GSAP: variants seen among roughly 807,000 people sequenced by gnomAD.
GSAP encodes the protein gamma-secretase-activating protein.
Under a neutral mutation model 131.7 loss-of-function variants are expected in GSAP, and 118 were observed. That is an observed-to-expected ratio of 0.90 (90% CI 0.77 to 1.04). The LOEUF is 1.04. Among genes scored for constraint, GSAP ranks in the 50% least tolerant of loss-of-function variants. The pLI, the probability that GSAP is intolerant of heterozygous loss-of-function variation, is 0.00. For missense variants in GSAP, 1,019 were observed against 1,013.2 expected (o/e 1.01, Z -0.08); for synonymous variants, 381 against 363.4 (o/e 1.05, Z -0.55).
intron 26 of GSAP, chr7:77,314,963 C>A: frequency 1.3e-5 from 2 of 153,448 alleles, no homozygotes; most frequent in Admixed American, 6.5e-5. Flanking sequence ...TCTACTTGGA[C>A]TAAAGTATAG....
At chr7:77,404,745 T>C in intron 2 of GSAP, 130 bp from the exon 3 acceptor site, 2 of 640,610 alleles carry the variant, frequency 3.1e-6, no homozygotes, top group Non-Finnish European at 5.7e-6. Flanking sequence ...TCTGTGCCTG[T>C]CAGAGGGGGA....
chr7:77,380,841 AC>A (rs1292592189), intron 8 of GSAP, among the ~76,000 whole-genome samples: 2 of 152,256 alleles, frequency 1.3e-5, no homozygotes, highest in African/African-American at 4.8e-5. Flanking sequence ...GCATATACGT[AC>A]ATATGAAAAT....
chr7:77,389,323 G>A (rs569958942), intron 5 of GSAP, among the ~76,000 whole-genome samples: 1 of 142,396 alleles, frequency 7.0e-6, no homozygotes, highest in South Asian at 2.2e-4. Flanking sequence ...TGTTTGTTTT[G>A]TTTTGTTTTT....
chr7:77,328,930 T>C (rs1487982092), intron 21 of GSAP, among the ~76,000 whole-genome samples: 1 of 152,102 alleles, frequency 6.6e-6, no homozygotes, highest in Admixed American at 6.5e-5. Context: ...ATGGGGCCTA[T>C]ACTTTTAGTA....
Position 77,355,536 on chromosome 7 carries a change from A to G in GSAP, c.1120+19T>C, listed in dbSNP as rs1793552480. On this transcript the variant is annotated intron_variant, in intron 15 of 30. Coordinates refer to ENST00000257626, the MANE Select transcript of GSAP (RefSeq NM_017439.4). ...AACTCAAATGGGCCACCTCTACAAGAGAAAAACTATAGCCGTACCTGTCAG... is the reference window on the plus strand; with the variant it reads ...AACTCAAATGGGCCACCTCTACAAGGGAAAAACTATAGCCGTACCTGTCAG... The G allele has an allele frequency of 1.9e-6, 3 of 1,580,796 alleles. No individual in the cohort carries two copies. In the Admixed American group the frequency reaches 5.0e-5, roughly 27 times the overall value.
chr7:77,377,237 T>TTAAA, intron 9 of GSAP, 49 bp downstream of exon 9: 1 of 891,780 alleles, frequency 1.1e-6, no homozygotes, highest in South Asian at 3.5e-5. Context: ...AATATTTTTG[T>TTAAA]AAAAAAAAAA....
chr7:77,317,971 A>C (rs10499834), intron 26 of GSAP, among the ~76,000 whole-genome samples: 15,406 of 152,226 alleles, frequency 0.1, 872 homozygotes, highest in African/African-American at 0.15. Context: ...GACAGACATT[A>C]AATAAGGTGG....
intron 23 of GSAP, 106 bp from the exon 24 acceptor site, chr7:77,323,848 C>G: frequency 1.8e-6 from 1 of 542,166 alleles, no homozygotes; most frequent in South Asian, 2.5e-5. Context: ...ATAAAAAATA[C>G]TGGATCTGAA....
At chr7:77,312,292 A>T in intron 28 of GSAP, 90 bp from the exon 29 acceptor site, 1 of 644,190 alleles carries the variant, frequency 1.6e-6, no homozygotes, top group Non-Finnish European at 2.6e-6. Flanking sequence ...TAAAAGTATT[A>T]TTCCAAAGTA....
Position 77,376,847 on chromosome 7 carries a change from C to T in GSAP, c.741+1G>A, listed in dbSNP as rs764896855. 4 of 1,385,082 alleles carry T rather than the reference C, an allele frequency of 2.9e-6. No individual in the cohort carries two copies. Among genetic ancestry groups the T allele is most frequent in the Non-Finnish European group, 3.0e-6 (3 of 996,926 alleles). The allele number at this position is 1,385,082 out of a possible 1,614,324, so 85.8% of individuals were successfully genotyped here. On this transcript the variant is annotated splice_donor_variant, in intron 10 of 30. Coordinates refer to ENST00000257626, the MANE Select transcript of GSAP (RefSeq NM_017439.4). LOFTEE classifies it high-confidence loss of function. ...GTAGTGTGATCATTTTCTGGACTTA[C>T]CATTAAGTTATAGCTCTCATCAGCA... is the stretch of plus-strand genomic sequence containing the variant.
chr7:77,413,856 G>GTT (rs1297211221), intron 1 of GSAP, among the ~76,000 whole-genome samples: 2 of 37,872 alleles, frequency 5.3e-5, no homozygotes, highest in African/African-American at 3.0e-4. Flanking sequence ...TTACTTCGGT[G>GTT]GTTTTTTTCT....
intron 5 of GSAP, among the ~76,000 whole-genome samples, chr7:77,396,398 C>G (rs908468733): frequency 6.6e-6 from 1 of 152,236 alleles, no homozygotes; most frequent in South Asian, 2.1e-4. Context: ...AGGGTAGATG[C>G]CTATACCTCT....
chr7:77,363,002 T>C (rs1428485177), intron 12 of GSAP, among the ~76,000 whole-genome samples: 1 of 152,254 alleles, frequency 6.6e-6, no homozygotes, highest in Non-Finnish European at 1.5e-5. Flanking sequence ...CTTATCTAGC[T>C]TGTCACCTTG....
Position 77,406,114 on chromosome 7 carries a change from A to G in GSAP, c.110-9T>C, listed in dbSNP as rs756961347. 4 of 1,263,114 alleles carry G rather than the reference A, an allele frequency of 3.2e-6. No homozygotes were observed. The highest frequency in any genetic ancestry group is 4.1e-6 in the Non-Finnish European group (4 of 969,916). The allele number at this position is 1,263,114 out of a possible 1,614,324, so 78.2% of individuals were successfully genotyped here. The stretch of plus-strand genomic sequence containing the variant: ...ATCGTTTTCTAAAACATCTGAAATG[A>G]TAATAGGAGGTTAATACTCAGCAGA... On this transcript the variant is annotated splice_polypyrimidine_tract_variant and intron_variant, in intron 1 of 30. Coordinates refer to ENST00000257626, the MANE Select transcript of GSAP (RefSeq NM_017439.4).
At chr7:77,333,875 C>G (rs574655636) in intron 19 of GSAP, among the ~76,000 whole-genome samples, 2 of 152,106 alleles carry the variant, frequency 1.3e-5, no homozygotes, top group Non-Finnish European at 2.9e-5. Flanking sequence ...CCAAGACACA[C>G]CATCGCACCA....
At chr7:77,390,854 C>A (rs1469517393) in intron 5 of GSAP, among the ~76,000 whole-genome samples, 1 of 145,516 alleles carries the variant, frequency 6.9e-6, no homozygotes, top group African/African-American at 2.5e-5. Flanking sequence ...GAGGCTAAGG[C>A]AGGAGACTCG....
intron 19 of GSAP, among the ~76,000 whole-genome samples, chr7:77,347,325 G>A (rs1430504375): frequency 6.6e-6 from 1 of 152,132 alleles, no homozygotes; most frequent in Non-Finnish European, 1.5e-5. Context: ...GTCTGGACTT[G>A]CACCTGTTAT....
At chr7:77,340,044 C>T (rs533205000) in intron 19 of GSAP, among the ~76,000 whole-genome samples, 4 of 152,300 alleles carry the variant, frequency 2.6e-5, no homozygotes, top group African/African-American at 9.6e-5. Context: ...TGAAAATGGT[C>T]GGTTCCTGCC....
intron 19 of GSAP, among the ~76,000 whole-genome samples, chr7:77,335,419 T>C (rs1789835015): frequency 6.6e-6 from 1 of 151,960 alleles, no homozygotes; most frequent in Non-Finnish European, 1.5e-5. Flanking sequence ...CAAAGAAAAA[T>C]ACCCCTGAAT....
Sources: gnomAD v4.1 joint callset for allele counts (sites outside exome capture counted in the v4.1 genomes callset) on GRCh38, gnomAD v4.1.1 for gene constraint, MANE v1.5 for transcripts, NCBI Gene and HGNC (gene_info 2026-07-23, HGNC 2026-07-21) for gene names.